SESN1: variants seen among roughly 807,000 people sequenced by gnomAD.
The protein encoded by SESN1 is sestrin 1.
In SESN1, 30 loss-of-function variants were observed where a neutral mutation model predicts 59.3. The ratio of observed to expected loss-of-function variants is 0.51; its 90% CI spans 0.38 to 0.69. The LOEUF is 0.69. Ranked by LOEUF, SESN1 falls within the 30% of genes least tolerant of loss-of-function variation. The pLI, the probability that SESN1 is intolerant of heterozygous loss-of-function variation, is 0.00. For missense variants in SESN1, 566 were observed against 673.0 expected (o/e 0.84, Z 1.76); for synonymous variants, 197 against 219.9 (o/e 0.90, Z 0.92).
intron 1 of SESN1, among the ~76,000 whole-genome samples, chr6:109,012,852 C>T (rs1034540798): frequency 3.9e-5 from 6 of 152,094 alleles, no homozygotes; most frequent in East Asian, 1.9e-4. Context: ...TGGTGGCTTA[C>T]GCCTGTAATT....
At chr6:109,090,241 T>C (rs762000355) in intron 1 of SESN1, among the ~76,000 whole-genome samples, 3 of 152,236 alleles carry the variant, frequency 2.0e-5, no homozygotes, top group Non-Finnish European at 4.4e-5. Flanking sequence ...ATGTAACTTA[T>C]TCAAAGTTGT....
At chr6:109,017,913 T>A (rs1779952621) in intron 1 of SESN1, among the ~76,000 whole-genome samples, 1 of 152,332 alleles carries the variant, frequency 6.6e-6, no homozygotes, top group South Asian at 2.1e-4. Flanking sequence ...ATGCCTGTAA[T>A]CTCAGCACTT....
chr6:108,992,662 G>A, intron 7 of SESN1, 125 bp downstream of exon 7: 1 of 684,620 alleles, frequency 1.5e-6, no homozygotes, highest in East Asian at 2.7e-5. Context: ...CTTTTATTCT[G>A]AAACAAGACG....
chr6:109,073,285 A>G (rs1237872087), intron 1 of SESN1, among the ~76,000 whole-genome samples: 1 of 152,238 alleles, frequency 6.6e-6, no homozygotes, highest in Non-Finnish European at 1.5e-5. Context: ...CCTTTAGTGC[A>G]TATGAGTACC....
At chr6:109,059,549 T>G (rs1454566645) in intron 1 of SESN1, 2 of 152,218 alleles carry the variant, frequency 1.3e-5, no homozygotes, top group Non-Finnish European at 2.9e-5. Context: ...GTCATTCTTG[T>G]GCAGGGGCAT....
intron 1 of SESN1, among the ~76,000 whole-genome samples, chr6:109,014,500 C>T (rs1562460256): frequency 1.3e-5 from 2 of 152,090 alleles, no homozygotes; most frequent in Non-Finnish European, 2.9e-5. Flanking sequence ...CTGCATTTAC[C>T]GAATATATAT....
intron 1 of SESN1, among the ~76,000 whole-genome samples, chr6:109,040,088 G>C (rs1780314730): frequency 6.6e-6 from 1 of 152,268 alleles, no homozygotes; most frequent in Middle Eastern, 3.4e-3. Flanking sequence ...ACCAAGTACA[G>C]TATTATCTTT....
At chr6:109,070,691 A>G (rs1185782287) in intron 1 of SESN1, among the ~76,000 whole-genome samples, 1 of 152,248 alleles carries the variant, frequency 6.6e-6, no homozygotes, top group East Asian at 1.9e-4. Flanking sequence ...CTGAAAATGT[A>G]ATCTCCAACC....
intron 1 of SESN1, among the ~76,000 whole-genome samples, chr6:109,086,875 C>T (rs912349465): frequency 2.6e-5 from 4 of 152,032 alleles, no homozygotes; most frequent in African/African-American, 4.8e-5. Flanking sequence ...GGCTCATGCC[C>T]GTAATCCCAG....
intron 1 of SESN1, chr6:109,059,496 G>C (rs1478337215): frequency 6.6e-6 from 1 of 152,138 alleles, no homozygotes; most frequent in Non-Finnish European, 1.5e-5. Context: ...AATTTTGTTT[G>C]TATTTTTATT....
chr6:109,005,533 G>C (rs1779715423), intron 1 of SESN1, among the ~76,000 whole-genome samples: 1 of 152,154 alleles, frequency 6.6e-6, no homozygotes, highest in Admixed American at 6.6e-5. Flanking sequence ...CAAATATATA[G>C]TTTATATGCC....
intron 1 of SESN1, among the ~76,000 whole-genome samples, chr6:109,051,847 C>T (rs74989527): frequency 1.3e-5 from 2 of 152,168 alleles, no homozygotes; most frequent in Non-Finnish European, 2.9e-5. Flanking sequence ...AGAAGACAGT[C>T]GAACAAAGGC....
At chr6:109,070,636 A>G (rs1378449554) in intron 1 of SESN1, among the ~76,000 whole-genome samples, 1 of 152,232 alleles carries the variant, frequency 6.6e-6, no homozygotes, top group Non-Finnish European at 1.5e-5. Context: ...TTTTCCAAAG[A>G]CAACTACTGT....
intron 1 of SESN1, among the ~76,000 whole-genome samples, chr6:109,028,926 G>A (rs538472543): frequency 1.3e-5 from 2 of 152,214 alleles, no homozygotes; most frequent in Admixed American, 1.3e-4. Flanking sequence ...ACATGAGAGC[G>A]GGTATCTCTG....
At chr6:109,044,252 C>A (rs1252030147) in intron 1 of SESN1, among the ~76,000 whole-genome samples, 1 of 130,580 alleles carries the variant, frequency 7.7e-6, no homozygotes, top group Non-Finnish European at 1.5e-5. Context: ...GATACCAGGG[C>A]AGTGAGCCGT....
chr6:109,004,199 A>G (rs1357541285), intron 1 of SESN1, among the ~76,000 whole-genome samples: 3 of 152,220 alleles, frequency 2.0e-5, no homozygotes. Flanking sequence ...ACATTATAGT[A>G]CTAGAAGAAA....
At chr6:109,047,652 A>AG (rs1440949667) in intron 1 of SESN1, among the ~76,000 whole-genome samples, 1 of 146,310 alleles carries the variant, frequency 6.8e-6, no homozygotes, top group Admixed American at 6.7e-5. Flanking sequence ...TGGAATAGAA[A>AG]GGGGGGAAAG....
At chr6:109,083,176 G>C (rs1383517202) in intron 1 of SESN1, among the ~76,000 whole-genome samples, 1 of 152,116 alleles carries the variant, frequency 6.6e-6, no homozygotes, top group Non-Finnish European at 1.5e-5. Context: ...TCAATTACTA[G>C]ATGAGGAAAC....
intron 1 of SESN1, among the ~76,000 whole-genome samples, chr6:109,049,693 C>T (rs910740557): frequency 3.3e-5 from 5 of 149,460 alleles, no homozygotes; most frequent in African/African-American, 4.9e-5. Flanking sequence ...GGAGAGGGGA[C>T]GTATATTTAT....
Sources: allele counts gnomAD v4.1 joint callset (sites outside exome capture counted in the v4.1 genomes callset), GRCh38; gene constraint gnomAD v4.1.1; transcripts MANE v1.5; gene names NCBI Gene and HGNC (gene_info 2026-07-23, HGNC 2026-07-21).